CCDC81: variants seen among roughly 807,000 people sequenced by gnomAD.
The protein encoded by CCDC81 is coiled-coil domain-containing protein 81.
CCDC81 carries 79 observed loss-of-function variants against 83.7 expected under a neutral mutation model. The ratio of observed to expected loss-of-function variants is 0.94; its 90% CI spans 0.79 to 1.14. The LOEUF (loss-of-function observed/expected upper bound fraction) is 1.14, where lower values mean the gene tolerates loss of function less well. Ranked by LOEUF, CCDC81 falls within the 50% of genes most tolerant of loss-of-function variation. The probability of loss-of-function intolerance (pLI) is 0.00; values close to 1 mark genes in which losing one functional copy is unlikely to be tolerated. For missense variants in CCDC81, 791 were observed against 778.1 expected, an observed-to-expected ratio of 1.02 and a Z score of -0.20; for synonymous variants, 252 against 278.1, an observed-to-expected ratio of 0.91 and a Z score of 0.93.
chr11:86,389,182 C>G (rs1948289005), intron 3 of CCDC81, among the ~76,000 whole-genome samples: 1 of 151,994 alleles, frequency 6.6e-6, no homozygotes. Context: ...CCAGTCCCAA[C>G]TACTTGGGAG....
chr11:86,389,211 C>T (rs576532791), intron 3 of CCDC81, among the ~76,000 whole-genome samples: 1 of 152,096 alleles, frequency 6.6e-6, no homozygotes, highest in South Asian at 2.1e-4. Context: ...AAGAGGATCA[C>T]TTCAGCCCAG....
At position 86,422,907 on chromosome 11, in the gene CCDC81, AC is replaced by A; in HGVS notation, c.*193del. The A allele has an allele frequency of 3.4e-6, 2 of 590,316 alleles. No individual in the cohort carries two copies. Among genetic ancestry groups the A allele is most frequent in the Non-Finnish European group, 5.9e-6 (2 of 341,168 alleles). 36.6% of individuals were successfully genotyped at this position (590,316 alleles called of 1,614,324 possible). On this transcript the variant is annotated 3_prime_UTR_variant, in exon 15 of 15. Transcript: ENST00000445632. ...CCTCCCACCCCCAATTATTTCCTAT[AC>A]TAGTTTCTGATGGCAGTGAAGGTGT...
intron 1 of CCDC81, among the ~76,000 whole-genome samples, chr11:86,385,389 A>C (rs1948228855): frequency 6.6e-6 from 1 of 152,240 alleles, no homozygotes; most frequent in African/African-American, 2.4e-5. Flanking sequence ...TGTCTCAAAA[A>C]AAAAAAAGTT....
intron 1 of CCDC81, among the ~76,000 whole-genome samples, chr11:86,381,592 G>A (rs1220234224): frequency 6.6e-6 from 1 of 152,190 alleles, no homozygotes; most frequent in East Asian, 1.9e-4. Flanking sequence ...GTTTCTGCAT[G>A]TGAGTCCGTT....
Position 86,375,177 on chromosome 11 carries a change from T to C in CCDC81, c.14T>C (p.Ile5Thr), listed in dbSNP as rs1209646081. The C allele has an allele frequency of 3.1e-6, 5 of 1,613,594 alleles. No individual in the cohort carries two copies. The Admixed American group carries it at 5.0e-5, about 16-fold the overall frequency. The change falls in exon 1 of 15, where the codon ATC becomes ACC. Residue 5 changes from isoleucine (I) to threonine (T), a missense_variant. Transcript: ENST00000445632. The stretch of plus-strand genomic sequence containing the variant: ...TGGAAATTGGAGATGTTGGATACGA[T>C]CGCCCGTGCCCTGCAGGACCTGGGC... MLDT[I>T]ARALQDLGRQ... is the part of the protein sequence containing the mutation.
intron 7 of CCDC81, among the ~76,000 whole-genome samples, chr11:86,406,539 GC>G (rs1329359465): frequency 6.6e-6 from 1 of 152,164 alleles, no homozygotes; most frequent in Non-Finnish European, 1.5e-5. Flanking sequence ...TGGCGCGGTG[GC>G]TCATGCCTGT....
At chr11:86,385,290 C>G (rs375220405) in intron 1 of CCDC81, among the ~76,000 whole-genome samples, 1 of 152,098 alleles carries the variant, frequency 6.6e-6, no homozygotes, top group South Asian at 2.1e-4. Context: ...GAGGCTGAGG[C>G]AGGAGACTCG....
intron 1 of CCDC81, among the ~76,000 whole-genome samples, chr11:86,381,493 T>C (rs1948176464): frequency 6.6e-6 from 1 of 151,968 alleles, no homozygotes; most frequent in South Asian, 2.1e-4. Context: ...CCCCTGGAGG[T>C]TTTAACTCTT....
chr11:86,421,526 G>A (rs1948790224), intron 14 of CCDC81, among the ~76,000 whole-genome samples: 1 of 152,182 alleles, frequency 6.6e-6, no homozygotes, highest in Admixed American at 6.5e-5. Context: ...TAGCCAGGAT[G>A]GTCTTGATCT....
At position 86,422,771 on chromosome 11, in the gene CCDC81, G is replaced by A; in HGVS notation, c.*56G>A. ...GAAAGTTTTTATCTTTTACATGTTT[G>A]GGGGTGATTGTGAAACTGCGTATTT... On this transcript the variant is annotated 3_prime_UTR_variant, in exon 15 of 15. Transcript: ENST00000445632. 6.5e-7 allele frequency: 1 copy of A among 1,538,284 alleles called. No individual in the cohort carries two copies. Among genetic ancestry groups the A allele is most frequent in the Admixed American group, 1.9e-5 (1 of 53,218 alleles).
chr11:86,413,990 T>A (rs1026109233), intron 11 of CCDC81, among the ~76,000 whole-genome samples: 2 of 152,202 alleles, frequency 1.3e-5, no homozygotes, highest in Non-Finnish European at 2.9e-5. Flanking sequence ...ATGAAAAAAA[T>A]CTATTTCTAT....
At chr11:86,376,807 A>C (rs1235121751) in intron 1 of CCDC81, among the ~76,000 whole-genome samples, 1 of 152,202 alleles carries the variant, frequency 6.6e-6, no homozygotes, top group Non-Finnish European at 1.5e-5. Context: ...ACACATCAAA[A>C]TCACCCAAGT....
chr11:86,409,692 G>T (rs11234642), intron 10 of CCDC81, among the ~76,000 whole-genome samples: 51,700 of 152,078 alleles, frequency 0.34, 9,271 homozygotes, highest in Admixed American at 0.41. Context: ...CTCATGATCT[G>T]CCCGTCTTGG....
chr11:86,418,378 GCT>G (rs933739680), intron 13 of CCDC81, among the ~76,000 whole-genome samples: 1 of 152,220 alleles, frequency 6.6e-6, no homozygotes, highest in Admixed American at 6.5e-5. Flanking sequence ...AAAATTGAAA[GCT>G]GATCTCAAAA....
chr11:86,391,088 A>G (rs1565760525), intron 3 of CCDC81, among the ~76,000 whole-genome samples: 1 of 152,220 alleles, frequency 6.6e-6, no homozygotes, highest in Non-Finnish European at 1.5e-5. Context: ...TGACTTGACA[A>G]TCTATGAGAT....
Position 86,386,037 on chromosome 11 carries a change from C to G in CCDC81, c.80-14C>G. 6.8e-7 allele frequency: 1 copy of G among 1,469,566 alleles called. No homozygotes were observed. 91.0% of individuals were successfully genotyped at this position (1,469,566 alleles called of 1,614,324 possible). ...ATATAAATTGAATAATTTCTGGTTA[C>G]TTTTGAATTTCAGAAGTCTCTATTA... On this transcript the variant is annotated splice_polypyrimidine_tract_variant and intron_variant, in intron 1 of 14. Coordinates refer to ENST00000445632, the MANE Select transcript of CCDC81 (RefSeq NM_001156474.2).
Position 86,422,865 on chromosome 11 carries a change from G to A in CCDC81, c.*150G>A, listed in dbSNP as rs959319073. On this transcript the variant is annotated 3_prime_UTR_variant, in exon 15 of 15. Transcript: ENST00000445632. ...TTAGATTGCTTGTTAAGCCCTTATT[G>A]AATTCACTCCTGCTTTCCTCCCACC... 1.5e-5 allele frequency: 11 copies of A among 748,526 alleles called. No homozygotes were observed. The highest frequency in any genetic ancestry group is 2.9e-5 in the Admixed American group (1 of 34,180). The allele number at this position is 748,526 out of a possible 1,614,324, so 46.4% of individuals were successfully genotyped here.
At position 86,422,558 on chromosome 11, in the gene CCDC81, G is replaced by C. The variant is rs1565774319; in HGVS notation, c.1818-16G>C. 1 of 1,606,508 alleles carries C rather than the reference G, an allele frequency of 6.2e-7. No homozygotes were observed. The highest frequency in any genetic ancestry group is 8.5e-7 in the Non-Finnish European group (1 of 1,174,636). On this transcript the variant is annotated splice_polypyrimidine_tract_variant and intron_variant, in intron 14 of 14. Coordinates refer to ENST00000445632, the MANE Select transcript of CCDC81 (RefSeq NM_001156474.2). ...TCCAGGAACCTGCTGATCGGCATTTGCTCTCCTCTCCTCAGGGCTTCAGAC... is the reference window on the plus strand; with the variant it reads ...TCCAGGAACCTGCTGATCGGCATTTCCTCTCCTCTCCTCAGGGCTTCAGAC...
chr11:86,392,871 T>C, intron 4 of CCDC81, 74 bp downstream of exon 4: 1 of 1,450,260 alleles, frequency 6.9e-7, no homozygotes, highest in East Asian at 2.5e-5. Context: ...GTGTTGTAAT[T>C]AAGAAAAACG....
Sources: gnomAD v4.1 joint callset for allele counts (sites outside exome capture counted in the v4.1 genomes callset) on GRCh38, gnomAD v4.1.1 for gene constraint, MANE v1.5 for transcripts, NCBI Gene and HGNC (gene_info 2026-07-23, HGNC 2026-07-21) for gene names.